The following CLTB variants were observed in gnomAD, a reference collection of about 807,000 sequenced individuals.
The protein encoded by CLTB is clathrin light chain B.
In CLTB, 10 loss-of-function variants were observed where a neutral mutation model predicts 30.5. That is an observed-to-expected ratio of 0.33 (90% CI 0.20 to 0.56). CLTB has a LOEUF of 0.56. Among genes scored for constraint, CLTB ranks in the 20% least tolerant of loss-of-function variants. The pLI, the probability that CLTB is intolerant of heterozygous loss-of-function variation, is 0.91. For synonymous variants in CLTB, 102 were observed against 120.3 expected (o/e 0.85, Z 1.00); for missense variants, 261 against 308.3 (o/e 0.85, Z 1.15).
At position 176,406,215 on chromosome 5, in the gene CLTB, C is replaced by G. The variant is rs376642025; in HGVS notation, c.234+4042G>C. 2.7e-3 allele frequency: 2,744 copies of G among 1,000,876 alleles called. 10 individuals are homozygous for G. Among genetic ancestry groups the G allele is most frequent in the Middle Eastern group, 8.6e-3 (17 of 1,980 alleles). 62.0% of individuals were successfully genotyped at this position (1,000,876 alleles called of 1,614,324 possible). A position where few individuals can be genotyped will look rare whatever the true frequency, so the allele number is the denominator to read the frequency against. On this transcript the variant is annotated intron_variant, in intron 2 of 5. Transcript: ENST00000310418. ...AGGAGGGTTGGCAACCAGGAGAGATCACCAGCGGCTAGAGCAATGTTCTGA... is the reference window on the plus strand; with the variant it reads ...AGGAGGGTTGGCAACCAGGAGAGATGACCAGCGGCTAGAGCAATGTTCTGA...
At chr5:176,406,659 G>A in intron 2 of CLTB, 4 of 1,289,356 alleles carry the variant, frequency 3.1e-6, no homozygotes, top group Non-Finnish European at 4.0e-6. Flanking sequence ...CTCGTCCTTA[G>A]GCTGTATTGG....
At chr5:176,402,914 G>A (rs1004204948) in intron 2 of CLTB, among the ~76,000 whole-genome samples, 20 of 152,206 alleles carry the variant, frequency 1.3e-4, no homozygotes, top group African/African-American at 4.8e-4. Context: ...AGAATCACGT[G>A]GGCCTGGAGC....
At chr5:176,415,759 C>CT (rs1374648440) in intron 1 of CLTB, among the ~76,000 whole-genome samples, 1 of 152,158 alleles carries the variant, frequency 6.6e-6, no homozygotes, top group African/African-American at 2.4e-5. Flanking sequence ...CCAGGATCCT[C>CT]TTTTTTCCCA....
intron 3 of CLTB, 63 bp downstream of exon 3, chr5:176,397,867 A>G: frequency 6.7e-7 from 1 of 1,486,338 alleles, no homozygotes; most frequent in South Asian, 1.1e-5. Context: ...CACTCCGAGG[A>G]CTCCCCACAC....
chr5:176,409,406 CTTTTTTTT>C (rs34831947), intron 2 of CLTB, among the ~76,000 whole-genome samples: 10 of 79,658 alleles, frequency 1.3e-4, no homozygotes, highest in African/African-American at 5.1e-4. Context: ...TCTGATTGCC[CTTTTTTTT>C]TTTTTTTTTT....
At position 176,392,562 on chromosome 5, in the gene CLTB, T is replaced by G. The variant is rs948916066; in HGVS notation, c.*212A>C. Reference sequence around the variant, plus strand: ...ATCAGGAGGGACAGTCACAATTGAGTAGACTGAGAGGAGGCGTGAGGGGCT... The same window carrying G: ...ATCAGGAGGGACAGTCACAATTGAGGAGACTGAGAGGAGGCGTGAGGGGCT... On this transcript the variant is annotated 3_prime_UTR_variant, in exon 6 of 6. Coordinates refer to ENST00000310418, the MANE Select transcript of CLTB (RefSeq NM_007097.5). This position sits in a 1 kb window ranked among gnomAD's most constrained non-coding sequence, Gnocchi z 5.2. 8.8e-6 allele frequency: 5 copies of G among 568,384 alleles called. No homozygotes were observed. The African/African-American group carries it at 9.4e-5, about 11-fold the overall frequency. The allele number at this position is 568,384 out of a possible 1,614,324, so 35.2% of individuals were successfully genotyped here.
chr5:176,402,202 T>C (rs1479975323), intron 2 of CLTB, among the ~76,000 whole-genome samples: 1 of 152,144 alleles, frequency 6.6e-6, no homozygotes, highest in Non-Finnish European at 1.5e-5. Context: ...CTCAGGAGGC[T>C]GAGGCAGGAG....
At chr5:176,398,670 C>T (rs536774938) in intron 2 of CLTB, among the ~76,000 whole-genome samples, 2 of 152,008 alleles carry the variant, frequency 1.3e-5, no homozygotes, top group Non-Finnish European at 1.5e-5. Flanking sequence ...CGAGATCACA[C>T]CATTGCACTC....
chr5:176,400,771 G>A (rs547227392), intron 2 of CLTB, among the ~76,000 whole-genome samples: 176 of 152,258 alleles, frequency 1.2e-3, no homozygotes, highest in African/African-American at 4.0e-3. Context: ...TCTCCACACA[G>A]GAGTGTCTGG....
intron 2 of CLTB, chr5:176,405,953 G>A (rs866390390): frequency 1.9e-5 from 3 of 160,268 alleles, no homozygotes; most frequent in South Asian, 4.0e-4. Flanking sequence ...CTGCTGTTCC[G>A]GTGTGGCAGG....
In CLTB at chr5:176,392,704, C is replaced by G; in HGVS notation, c.*70G>C. ...TAGCAGCTGCTGCGAGTCTCCACCC[C>G]GACCAAAGCAGCTGCTCCTCCTGTG... is the stretch of plus-strand genomic sequence containing the variant. On this transcript the variant is annotated 3_prime_UTR_variant, in exon 6 of 6. Coordinates refer to ENST00000310418, the MANE Select transcript of CLTB (RefSeq NM_007097.5). This position sits in a 1 kb window ranked among gnomAD's most constrained non-coding sequence, Gnocchi z 5.2. The G allele has an allele frequency of 1.9e-6, 3 of 1,563,370 alleles. No homozygotes were observed. The highest frequency in any genetic ancestry group is 1.1e-5 in the South Asian group (1 of 88,224).
At position 176,393,278 on chromosome 5, in the gene CLTB, C is replaced by T. The variant is rs535233839; in HGVS notation, c.519-333G>A. On this transcript the variant is annotated intron_variant, in intron 5 of 5. Transcript: ENST00000310418. The surrounding 1 kb of genome is among the most constrained non-coding windows in gnomAD (Gnocchi z 4.4). ...CACCCTCTGTTCATTACTTCCCCAT[C>T]GGGAGTTCCCAACCTGAGGTTCCTG... is the stretch of plus-strand genomic sequence containing the variant. Among the ~76,000 whole-genome samples, 3 of 152,290 alleles carry T rather than the reference C, an allele frequency of 2.0e-5. No homozygotes were observed. The highest frequency in any genetic ancestry group is 2.9e-5 in the Non-Finnish European group (2 of 68,010).
At chr5:176,401,901 C>A (rs1178978451) in intron 2 of CLTB, 1 of 389,642 alleles carries the variant, frequency 2.6e-6, no homozygotes, top group Admixed American at 3.0e-5. Flanking sequence ...CCCTCACCGC[C>A]CCTGGCCTGG....
intron 2 of CLTB, chr5:176,406,088 C>T (rs1219412472): frequency 3.2e-6 from 3 of 925,882 alleles, no homozygotes; most frequent in Non-Finnish European, 2.6e-6. Context: ...TATTTTCCTG[C>T]CCCTGTCCCC....
intron 2 of CLTB, among the ~76,000 whole-genome samples, chr5:176,409,406 C>CTTTTTTTTT (rs34831947): frequency 1.3e-5 from 1 of 79,656 alleles, no homozygotes; most frequent in African/African-American, 5.7e-5. Flanking sequence ...TCTGATTGCC[C>CTTTTTTTTT]TTTTTTTTTT....
chr5:176,416,458 C>A lies in CLTB; in HGVS notation c.-95G>T. On this transcript the variant is annotated 5_prime_UTR_variant, in exon 1 of 6. Coordinates refer to ENST00000310418, the MANE Select transcript of CLTB (RefSeq NM_007097.5). ...GCGGCCGCGACGCTGTCACCCGAGC[C>A]GCGGGGGAGCCGGCGTCGGCGGGGA... 9.9e-7 allele frequency: 1 copy of A among 1,008,548 alleles called. No homozygotes were observed. The highest frequency in any genetic ancestry group is 1.2e-6 in the Non-Finnish European group (1 of 840,058). The allele number at this position is 1,008,548 out of a possible 1,614,324, so 62.5% of individuals were successfully genotyped here. A position where few individuals can be genotyped will look rare whatever the true frequency, so the allele number is the denominator to read the frequency against.
intron 2 of CLTB, among the ~76,000 whole-genome samples, chr5:176,399,997 G>A (rs1756735133): frequency 6.6e-6 from 1 of 152,076 alleles, no homozygotes; most frequent in Admixed American, 6.6e-5. Context: ...TTCGAGACCA[G>A]CCTGACCAAC....
At chr5:176,415,389 G>T (rs1025335943) in intron 1 of CLTB, among the ~76,000 whole-genome samples, 12 of 152,146 alleles carry the variant, frequency 7.9e-5, no homozygotes, top group Admixed American at 7.2e-4. Flanking sequence ...ACAGGAACAG[G>T]TTTAAATTCA....
chr5:176,409,203 C>G (rs1581444120), intron 2 of CLTB, among the ~76,000 whole-genome samples: 1 of 150,210 alleles, frequency 6.7e-6, no homozygotes, highest in African/African-American at 2.4e-5. Flanking sequence ...CTCAATCTTC[C>G]AACCTCATGA....
Sources: gnomAD v4.1 joint callset for allele counts (sites outside exome capture counted in the v4.1 genomes callset) on GRCh38, gnomAD v4.1.1 for gene constraint, Gnocchi (gnomAD v3.1) non-coding constraint, MANE v1.5 for transcripts, NCBI Gene and HGNC (gene_info 2026-07-23, HGNC 2026-07-21) for gene names.